The following TACC2 variants were observed in gnomAD, a reference collection of about 807,000 sequenced individuals.
TACC2 encodes the protein transforming acidic coiled-coil containing protein 2, also known as transforming acidic coiled-coil-containing protein 2.
Under a neutral mutation model 227.3 loss-of-function variants are expected in TACC2, and 137 were observed. The observed-to-expected ratio is 0.60, with a 90% CI of 0.52 to 0.69. The LOEUF is 0.69. Among genes scored for constraint, TACC2 ranks in the 30% least tolerant of loss-of-function variants. TACC2 has a pLI of 0.00. For synonymous variants in TACC2, 1,523 were observed against 1,487.5 expected (o/e 1.02, Z -0.55); for missense variants, 3,470 against 3,694.4 (o/e 0.94, Z 1.57).
In TACC2 at chr10:122,086,026, GC is replaced by G; in HGVS notation, c.3529del (p.Leu1177TyrfsTer77). Reference sequence around the variant, plus strand: ...CTCCGGGGAGGAAGCTTCTACCTCTGCCCTACGTGAGTCCTGCCAAGCTGAG... The same window carrying G: ...CTCCGGGGAGGAAGCTTCTACCTCTGCCTACGTGAGTCCTGCCAAGCTGAG... ...LTSGEEASTSALRESCQAEHP... is the reference protein window; with the variant it reads ...LTSGEEASTSXLRESCQAEHP... On this transcript the variant is annotated frameshift_variant, in exon 4 of 23. Coordinates refer to ENST00000369005, the MANE Select transcript of TACC2 (RefSeq NM_206862.4). LOFTEE classifies it high-confidence loss of function. 1 of 1,613,944 alleles carries G rather than the reference GC, an allele frequency of 6.2e-7. No homozygotes were observed. The highest frequency in any genetic ancestry group is 1.1e-5 in the South Asian group (1 of 91,084).
At position 122,088,561 on chromosome 10, in the gene TACC2, A is replaced by G; in HGVS notation, c.5543A>G (p.Asp1848Gly). The G allele has an allele frequency of 1.9e-6, 3 of 1,613,762 alleles. No homozygotes were observed. Among genetic ancestry groups the G allele is most frequent in the Non-Finnish European group, 2.5e-6 (3 of 1,179,896 alleles). The change falls in exon 5 of 23, where the codon GAT becomes GGT. Residue 1848 changes from aspartate (D) to glycine (G), a missense_variant. By Grantham distance (94) the Asp-to-Gly change is moderately conservative. Around this residue, in one of 10 missense-constraint regions of TACC2, gnomAD observed 1,924 missense variants for 1,978.3 expected, o/e 0.97. Coordinates refer to ENST00000369005, the MANE Select transcript of TACC2 (RefSeq NM_206862.4). ...AGAGTCATGGATAAAGTCACTTCAG[A>G]TGAGACCAGAGGTGCGGAAGGAACA... ...APRVMDKVTS[D>G]ETRGAEGTES... is the part of the protein sequence containing the mutation.
rs1294603489 is a variant in TACC2 at position 122,210,978 on chromosome 10, C to G, written c.6553C>G (p.Pro2185Ala). The change falls in exon 9 of 23, where the codon CCA becomes GCA. Residue 2185 changes from proline (P) to alanine (A), a missense_variant. Physicochemically the swap from Pro to Ala is conservative, Grantham distance 27. Transcript: ENST00000369005. The surrounding 1 kb of genome is among the most constrained non-coding windows in gnomAD (Gnocchi z 4.6). Reference sequence around the variant, plus strand: ...ATCTGCCAAGACGGAAGGTCCTAGCCCAGCCTTATTGGAGGAGACGCCCCT... The same window carrying G: ...ATCTGCCAAGACGGAAGGTCCTAGCGCAGCCTTATTGGAGGAGACGCCCCT... ...TESAKTEGPS[P>A]ALLEETPLEP... The G allele has an allele frequency of 6.2e-7, 1 of 1,613,506 alleles. No homozygotes were observed. Among genetic ancestry groups the G allele is most frequent in the Non-Finnish European group, 8.5e-7 (1 of 1,179,840 alleles).
intron 5 of TACC2, among the ~76,000 whole-genome samples, chr10:122,128,421 T>G (rs1264805922): frequency 6.6e-6 from 1 of 152,098 alleles, no homozygotes; most frequent in Non-Finnish European, 1.5e-5. Context: ...TTCCAAAGAG[T>G]TTAGGTGAAA....
At chr10:122,100,095 T>C (rs1229032098) in intron 5 of TACC2, among the ~76,000 whole-genome samples, 1 of 152,032 alleles carries the variant, frequency 6.6e-6, no homozygotes, top group Non-Finnish European at 1.5e-5. Flanking sequence ...CGAAACTCCG[T>C]CTCTACTAAA....
intron 5 of TACC2, among the ~76,000 whole-genome samples, chr10:122,128,237 G>T (rs2087264049): frequency 6.6e-6 from 1 of 152,184 alleles, no homozygotes; most frequent in African/African-American, 2.4e-5. Flanking sequence ...CTGGAATCCA[G>T]TCCCCTCAAC....
At chr10:122,171,743 C>T (rs911719321) in intron 7 of TACC2, among the ~76,000 whole-genome samples, 8 of 152,362 alleles carry the variant, frequency 5.3e-5, no homozygotes, top group African/African-American at 1.7e-4. Flanking sequence ...TCAGAGGCCT[C>T]TTCCCACGTG....
intron 5 of TACC2, among the ~76,000 whole-genome samples, chr10:122,117,551 C>G (rs2084931155): frequency 6.6e-6 from 1 of 152,138 alleles, no homozygotes; most frequent in Non-Finnish European, 1.5e-5. Context: ...AGTACAAACA[C>G]ACGAATATGG....
intron 2 of TACC2, among the ~76,000 whole-genome samples, chr10:122,028,084 C>CTTTCTTT (rs1554967439): frequency 6.5e-5 from 6 of 91,744 alleles, no homozygotes; most frequent in African/African-American, 2.4e-4. Flanking sequence ...TTCTTTCTTT[C>CTTTCTTT]TTTTTTTTTT....
At position 122,230,421 on chromosome 10, in the gene TACC2, GC is replaced by G; in HGVS notation, c.8109del (p.Ser2704AlafsTer56). The G allele has an allele frequency of 8.1e-6, 13 of 1,614,122 alleles. No homozygotes were observed. The highest frequency in any genetic ancestry group is 1.1e-5 in the Non-Finnish European group (13 of 1,180,032). On this transcript the variant is annotated frameshift_variant, in exon 16 of 23. Transcript: ENST00000369005. LOFTEE classifies it high-confidence loss of function. ...GCCAGGCAGATTGCTTTGGCTTCCC[GC>G]AGCCACCAGGATGCCAAGGTACCGG... ...KLARQIALAS[R>X]SHQDAKREAA...
chr10:122,047,438 A>G (rs7075891), intron 2 of TACC2, among the ~76,000 whole-genome samples: 59,346 of 151,988 alleles, frequency 0.39, 11,812 homozygotes, highest in Admixed American at 0.46. Context: ...AGAGGCTGAG[A>G]CCCCTCAGGG....
intron 7 of TACC2, among the ~76,000 whole-genome samples, chr10:122,163,264 G>A (rs1249218072): frequency 6.6e-6 from 1 of 151,940 alleles, no homozygotes; most frequent in Non-Finnish European, 1.5e-5. Flanking sequence ...CATCCCCTTA[G>A]TCCTGGGCCG....
At chr10:122,241,886 T>C (rs2096003948) in intron 18 of TACC2, 72 bp from the exon 19 acceptor site, 1 of 1,420,856 alleles carries the variant, frequency 7.0e-7, no homozygotes, top group Non-Finnish European at 1.0e-6. Context: ...GGTCAGGCTG[T>C]GGCGTCCAGC....
Position 122,086,898 on chromosome 10 carries a change from T to A in TACC2, c.4398T>A (p.Pro1466=), listed in dbSNP as rs1224010366. The A allele has an allele frequency of 5.6e-6, 9 of 1,613,774 alleles. No homozygotes were observed. Among genetic ancestry groups the A allele is most frequent in the Non-Finnish European group, 7.6e-6 (9 of 1,179,976 alleles). Residue 1466 remains proline, a synonymous_variant, in exon 4 of 23, where the codon CCT becomes CCA. Transcript: ENST00000369005. The part of the protein sequence containing the change: ...PGVDVTLLPA[P]PARLQVEKKQ... ...TGGATGTCACCCTTCTCCCTGCACCTCCTGCTCGACTCCAGGTGGAGAAGA... is the reference window on the plus strand; with the variant it reads ...TGGATGTCACCCTTCTCCCTGCACCACCTGCTCGACTCCAGGTGGAGAAGA...
chr10:122,132,066 A>AAGAAAGAAAGAAAGAAAGAAAG (rs1555059146), intron 5 of TACC2, among the ~76,000 whole-genome samples: 27 of 58,320 alleles, frequency 4.6e-4, no homozygotes, highest in East Asian at 4.2e-3. Context: ...GAAAGAAAGA[A>AAGAAAGAAAGAAAGAAAGAAAG]AAAGAAAGAA....
At position 122,127,650 on chromosome 10, in the gene TACC2, C is replaced by T. The variant is rs1164064568; in HGVS notation, c.5574-4959C>T. Among the ~76,000 whole-genome samples, 3 of 152,102 alleles carry T rather than the reference C, an allele frequency of 2.0e-5. No individual in the cohort carries two copies. The East Asian group carries it at 5.8e-4, about 29-fold the overall frequency. On this transcript the variant is annotated intron_variant, in intron 5 of 22. Coordinates refer to ENST00000369005, the MANE Select transcript of TACC2 (RefSeq NM_206862.4). ...TCAGTCACTCTAGTCCCAGAACCAC[C>T]ACCAGCAGAACTTAGAAGCCATTTA...
chr10:122,003,718 C>T (rs1022242040), intron 1 of TACC2, among the ~76,000 whole-genome samples: 14 of 151,738 alleles, frequency 9.2e-5, no homozygotes, highest in African/African-American at 2.2e-4. Context: ...TGCAATGGCG[C>T]GATCTGGGCT....
intron 6 of TACC2, among the ~76,000 whole-genome samples, chr10:122,140,713 A>C (rs141960020): frequency 2.8e-4 from 43 of 152,354 alleles, no homozygotes; most frequent in African/African-American, 9.9e-4. Context: ...AAGAGGAGTC[A>C]CTGCTGGTCA....
chr10:122,228,033 A>G, intron 14 of TACC2, 25 bp downstream of exon 14: 2 of 1,605,762 alleles, frequency 1.2e-6, no homozygotes, highest in East Asian at 2.2e-5. Context: ...AGGGCCCCAG[A>G]TCACAGGGGA....
chr10:122,037,892 G>A (rs943856994), intron 2 of TACC2, among the ~76,000 whole-genome samples: 1 of 151,496 alleles, frequency 6.6e-6, no homozygotes, highest in Non-Finnish European at 1.5e-5. Flanking sequence ...AGGCTCCCAG[G>A]TGAGGCTTTT....
Sources: allele counts gnomAD v4.1 joint callset (sites outside exome capture counted in the v4.1 genomes callset), GRCh38; gene constraint gnomAD v4.1.1; regional missense constraint gnomAD v4.1.1; non-coding constraint Gnocchi (gnomAD v3.1); transcripts MANE v1.5; gene names NCBI Gene and HGNC (gene_info 2026-07-23, HGNC 2026-07-21).